The following ERG variants were observed in gnomAD, a reference collection of about 807,000 sequenced individuals.
The protein encoded by ERG is transcriptional regulator ERG.
ERG carries 9 observed loss-of-function variants against 55.3 expected under a neutral mutation model. The ratio of observed to expected loss-of-function variants is 0.16; its 90% confidence interval spans 0.10 to 0.28. ERG has a LOEUF of 0.28. Ranked by LOEUF, ERG falls within the 10% of genes least tolerant of loss-of-function variation. ERG has a pLI of 1.00. For missense variants in ERG, 434 were observed against 631.6 expected, an observed-to-expected ratio of 0.69 and a Z score of 3.35; for synonymous variants, 223 against 237.3, an observed-to-expected ratio of 0.94 and a Z score of 0.55.
chr21:38,459,349 T>G (rs945808555), intron 1 of ERG, among the ~76,000 whole-genome samples: 11 of 152,252 alleles, frequency 7.2e-5, no homozygotes, highest in African/African-American at 2.7e-4. Context: ...TAAACAGGTC[T>G]AAGACAGTTT....
chr21:38,600,834 A>G (rs1035736159), intron 1 of ERG, among the ~76,000 whole-genome samples: 4 of 152,130 alleles, frequency 2.6e-5, no homozygotes, highest in African/African-American at 7.2e-5. Context: ...CTTCTATAAG[A>G]GCCACAGAGA....
intron 2 of ERG, 148 bp downstream of exon 2, chr21:38,445,256 C>T (rs984671613): frequency 7.7e-6 from 5 of 645,398 alleles, no homozygotes; most frequent in Non-Finnish European, 8.2e-6. Flanking sequence ...ATTCTCCTGC[C>T]TCAGGCTCCC....
intron 2 of ERG, among the ~76,000 whole-genome samples, chr21:38,429,409 A>G (rs28811397): frequency 0.079 from 10,780 of 135,892 alleles, 2,172 homozygotes; most frequent in Non-Finnish European, 0.11. Flanking sequence ...ACATGTACAT[A>G]CGCACATATA....
chr21:38,614,791 G>T (rs754280760), intron 1 of ERG, among the ~76,000 whole-genome samples: 1 of 152,242 alleles, frequency 6.6e-6, no homozygotes, highest in African/African-American at 2.4e-5. Flanking sequence ...AGCATGGTCA[G>T]CGTGGCCTCA....
chr21:38,384,975 C>A (rs183002094), intron 9 of ERG, among the ~76,000 whole-genome samples: 1 of 152,288 alleles, frequency 6.6e-6, no homozygotes, highest in Admixed American at 6.5e-5. Flanking sequence ...AGAAGAAAAA[C>A]CCCAACAATG....
chr21:38,419,757 C>CT lies in ERG; in HGVS notation c.388+3652dup, dbSNP rs3838107. ...TTTCTAGTTGACACTTTCTTATGGGCTTTTTTTTGACACTTTTTTTATGGG... is the reference window on the plus strand; with the variant it reads ...TTTCTAGTTGACACTTTCTTATGGGCTTTTTTTTTGACACTTTTTTTATGGG... On this transcript the variant is annotated intron_variant, in intron 3 of 9. Coordinates refer to ENST00000288319, the MANE Select transcript of ERG (RefSeq NM_182918.4). Among the ~76,000 whole-genome samples, 69 of 151,838 alleles carry CT rather than the reference C, an allele frequency of 4.5e-4. No homozygotes were observed. In the South Asian group the frequency reaches 0.013, roughly 30 times the overall value.
At chr21:38,415,567 A>G (rs1334734811) in intron 3 of ERG, among the ~76,000 whole-genome samples, 1 of 152,222 alleles carries the variant, frequency 6.6e-6, no homozygotes, top group Non-Finnish European at 1.5e-5. Context: ...ATGTCCCATC[A>G]TATCGACAGA....
chr21:38,501,523 C>G (rs1394731403), upstream of ERG, among the ~76,000 whole-genome samples: 1 of 152,174 alleles, frequency 6.6e-6, no homozygotes, highest in African/African-American at 2.4e-5. Context: ...CACCACCCAG[C>G]AGCCTAAGAA....
At chr21:38,547,968 C>G (rs1424482978) in intron 2 of ERG, among the ~76,000 whole-genome samples, 1 of 152,088 alleles carries the variant, frequency 6.6e-6, no homozygotes, top group African/African-American at 2.4e-5. Flanking sequence ...TACATAGACT[C>G]TAAGCAGGAA....
chr21:38,481,472 A>ATT (rs1265883485), intron 1 of ERG, among the ~76,000 whole-genome samples: 2 of 152,238 alleles, frequency 1.3e-5, no homozygotes, highest in Non-Finnish European at 2.9e-5. Flanking sequence ...GCCTATATAT[A>ATT]ATGTTTTAAC....
intron 2 of ERG, among the ~76,000 whole-genome samples, chr21:38,510,432 T>C (rs2059502617): frequency 2.6e-5 from 4 of 152,244 alleles, no homozygotes; most frequent in African/African-American, 9.6e-5. Flanking sequence ...TATTTTTCTT[T>C]AACAGCCAGA....
intron 2 of ERG, among the ~76,000 whole-genome samples, chr21:38,513,681 C>T (rs906889730): frequency 2.0e-5 from 3 of 151,962 alleles, no homozygotes; most frequent in Admixed American, 1.3e-4. Flanking sequence ...TGAAGTGGAG[C>T]ACATAATAAT....
chr21:38,635,273 A>G (rs768583618), intron 1 of ERG, among the ~76,000 whole-genome samples: 36 of 152,158 alleles, frequency 2.4e-4, no homozygotes, highest in Non-Finnish European at 4.3e-4. Context: ...TGAGCCTACT[A>G]TAATAGTATA....
At chr21:38,403,834 C>G in intron 3 of ERG, 125 bp from the exon 4 acceptor site, 1 of 821,168 alleles carries the variant, frequency 1.2e-6, no homozygotes, top group Non-Finnish European at 2.0e-6. Context: ...CAGCCAGCCT[C>G]CCTGGCTACC....
chr21:38,480,733 A>T (rs2059231600), intron 1 of ERG, among the ~76,000 whole-genome samples: 1 of 150,218 alleles, frequency 6.7e-6, no homozygotes, highest in Non-Finnish European at 1.5e-5. Context: ...ATTTTGCAAA[A>T]CTTTTCATGT....
intron 1 of ERG, among the ~76,000 whole-genome samples, chr21:38,642,690 G>A (rs1463900362): frequency 6.6e-6 from 1 of 152,218 alleles, no homozygotes; most frequent in Non-Finnish European, 1.5e-5. Context: ...TGCAAGGGAT[G>A]AGGGGGACAA....
At chr21:38,501,222 C>T (rs1304038220), upstream of ERG, among the ~76,000 whole-genome samples, 1 of 151,846 alleles carries the variant, frequency 6.6e-6, no homozygotes, top group Non-Finnish European at 1.5e-5. Context: ...CCCGCCACCA[C>T]ACCTGGCTAA....
At chr21:38,423,335 A>G in intron 3 of ERG, 75 bp downstream of exon 3, 4 of 1,477,680 alleles carry the variant, frequency 2.7e-6, no homozygotes, top group East Asian at 4.6e-5. Context: ...GTGGGGGAGA[A>G]GAGCTCCCTG....
At chr21:38,473,421 A>G (rs1341320204) in intron 1 of ERG, among the ~76,000 whole-genome samples, 1 of 143,980 alleles carries the variant, frequency 6.9e-6, no homozygotes, top group African/African-American at 2.8e-5. Flanking sequence ...TCAATTATAT[A>G]TATACATATA....
Sources: allele counts gnomAD v4.1 joint callset (sites outside exome capture counted in the v4.1 genomes callset), GRCh38; gene constraint gnomAD v4.1.1; transcripts MANE v1.5; gene names NCBI Gene and HGNC (gene_info 2026-07-23, HGNC 2026-07-21).